PCDHA5: variants seen among roughly 807,000 people sequenced by gnomAD.
PCDHA5 encodes the protein protocadherin alpha 5.
PCDHA5 carries 43 observed loss-of-function variants against 61.6 expected under a neutral mutation model. The observed-to-expected ratio is 0.70, with a 90% confidence interval of 0.55 to 0.90. PCDHA5 has a LOEUF of 0.90. Among genes scored for constraint, PCDHA5 ranks in the 40% least tolerant of loss-of-function variants. The probability of loss-of-function intolerance (pLI) is 0.00; values close to 1 mark genes in which losing one functional copy is unlikely to be tolerated. For missense variants in PCDHA5, 1,298 were observed against 1,222.7 expected, an observed-to-expected ratio of 1.06 and a Z score of -0.92; for synonymous variants, 627 against 543.9, an observed-to-expected ratio of 1.15 and a Z score of -2.13.
chr5:140,908,442 T>A (rs2073975632), intron 1 of PCDHA5, among the ~76,000 whole-genome samples: 1 of 152,160 alleles, frequency 6.6e-6, no homozygotes, highest in Non-Finnish European at 1.5e-5. Flanking sequence ...CACCCCACTT[T>A]ATGGCTAGAT....
chr5:140,994,317 T>A (rs1053879490), intron 3 of PCDHA5, among the ~76,000 whole-genome samples: 7 of 152,086 alleles, frequency 4.6e-5, no homozygotes, highest in African/African-American at 1.7e-4. Flanking sequence ...GCCCAAACAC[T>A]CTCAGCAACC....
chr5:140,842,994 A>G lies in PCDHA5; in HGVS notation c.2352+18867A>G, dbSNP rs1409771801. 3.8e-6 allele frequency: 6 copies of G among 1,595,048 alleles called. 1 individual carries two copies. The Admixed American group carries it at 1.0e-4, about 27-fold the overall frequency. ...ACGCTGCAGGTGTTCGTGCTGGACGAGAATGACAACGCGCCGGCACTGCTG... is the reference window on the plus strand; with the variant it reads ...ACGCTGCAGGTGTTCGTGCTGGACGGGAATGACAACGCGCCGGCACTGCTG... On this transcript the variant is annotated intron_variant, in intron 1 of 3. Coordinates refer to ENST00000529859, the MANE Select transcript of PCDHA5 (RefSeq NM_018908.3).
intron 1 of PCDHA5, among the ~76,000 whole-genome samples, chr5:140,881,010 T>C (rs782629592): frequency 5.3e-5 from 8 of 152,198 alleles, no homozygotes; most frequent in South Asian, 4.1e-4. Flanking sequence ...AGCAGAGCTA[T>C]GGAAATAAAC....
intron 1 of PCDHA5, chr5:140,928,095 G>T (rs782045221): frequency 1.9e-6 from 3 of 1,614,190 alleles, no homozygotes; most frequent in Non-Finnish European, 1.7e-6. Flanking sequence ...TGATTGATGG[G>T]CCCCTGGACC....
intron 1 of PCDHA5, chr5:140,855,836 AC>A (rs1444767908): frequency 1.7e-6 from 1 of 600,200 alleles, no homozygotes; most frequent in Non-Finnish European, 2.9e-6. Flanking sequence ...AATCGTACTT[AC>A]ACCTAAAGCC....
chr5:140,917,329 G>T lies in PCDHA5; in HGVS notation c.2353-61620G>T, dbSNP rs543216216. Among the ~76,000 whole-genome samples the T allele has an allele frequency of 4.9e-5, 7 of 143,930 alleles. 1 individual carries two copies. The highest frequency in any genetic ancestry group is 1.6e-4 in the African/African-American group (6 of 37,952). The allele number at this position is 143,930 out of a possible 152,430, so 94.4% of individuals were successfully genotyped here. A position where few individuals can be genotyped will look rare whatever the true frequency, so the allele number is the denominator to read the frequency against. ...ACAATTTGGTGTTCATGTGGCGGGG[G>T]AGGGGGGGGATGGTGTAGGCTTCTG... On this transcript the variant is annotated intron_variant, in intron 1 of 3. Coordinates refer to ENST00000529859, the MANE Select transcript of PCDHA5 (RefSeq NM_018908.3).
rs782314357 is a variant in PCDHA5 at position 140,927,486 on chromosome 5, C to G, written c.2353-51463C>G. The G allele has an allele frequency of 6.2e-6, 10 of 1,614,128 alleles. No individual in the cohort carries two copies. In the East Asian group the frequency reaches 2.2e-4, roughly 36 times the overall value. ...CACTGGATCGCGAACAGCGCGCCACCCACCTGCTGGTGCTTACAGCTCGGG... is the reference window on the plus strand; with the variant it reads ...CACTGGATCGCGAACAGCGCGCCACGCACCTGCTGGTGCTTACAGCTCGGG... On this transcript the variant is annotated intron_variant, in intron 1 of 3. Coordinates refer to ENST00000529859, the MANE Select transcript of PCDHA5 (RefSeq NM_018908.3).
At chr5:140,844,630 A>G (rs1413264229) in intron 1 of PCDHA5, among the ~76,000 whole-genome samples, 2 of 149,590 alleles carry the variant, frequency 1.3e-5, no homozygotes, top group Non-Finnish European at 3.0e-5. Flanking sequence ...CAGAAAAACT[A>G]TACATGATAA....
intron 1 of PCDHA5, among the ~76,000 whole-genome samples, chr5:140,904,904 C>T (rs1463349424): frequency 6.6e-6 from 1 of 151,948 alleles, no homozygotes; most frequent in East Asian, 1.9e-4. Context: ...GTTTTTCTTA[C>T]TGATTTGTTT....
chr5:140,857,805 C>T lies in PCDHA5; in HGVS notation c.2352+33678C>T, dbSNP rs1311256758. On this transcript the variant is annotated intron_variant, in intron 1 of 3. Coordinates refer to ENST00000529859, the MANE Select transcript of PCDHA5 (RefSeq NM_018908.3). ...GAGCTGGTGCTGCGGTCGGTGGTTG[C>T]GGGTCACGTGGTGGCTAAGGTGCGC... The T allele has an allele frequency of 2.9e-5, 47 of 1,597,594 alleles. 7 individuals are homozygous for T. The highest frequency in any genetic ancestry group is 5.1e-5 in the Admixed American group (3 of 59,234).
At chr5:140,894,947 A>G (rs1257936552) in intron 1 of PCDHA5, among the ~76,000 whole-genome samples, 1 of 152,178 alleles carries the variant, frequency 6.6e-6, no homozygotes, top group Non-Finnish European at 1.5e-5. Flanking sequence ...TTGTCATGAA[A>G]TGATAAAAAT....
chr5:140,841,709 C>T, intron 1 of PCDHA5: 1 of 1,613,900 alleles, frequency 6.2e-7, no homozygotes, highest in South Asian at 1.1e-5. Context: ...TAATGACAAC[C>T]CGCCAGTGTT....
intron 1 of PCDHA5, chr5:140,875,748 C>T (rs2055764549): frequency 6.2e-7 from 1 of 1,614,078 alleles, no homozygotes; most frequent in South Asian, 1.1e-5. Flanking sequence ...GGATCGACCG[C>T]GAGAAGCTGT....
intron 1 of PCDHA5, chr5:140,876,494 T>C: frequency 1.2e-6 from 2 of 1,614,062 alleles, no homozygotes; most frequent in African/African-American, 1.3e-5. Flanking sequence ...GTGGAAGTTC[T>C]GGACGTGAAT....
intron 1 of PCDHA5, among the ~76,000 whole-genome samples, chr5:140,874,488 A>G (rs1452122658): frequency 2.0e-5 from 3 of 152,254 alleles, no homozygotes; most frequent in African/African-American, 7.2e-5. Flanking sequence ...CAAAAGGTTG[A>G]TATCAAGTTC....
intron 1 of PCDHA5, chr5:140,870,813 C>A: frequency 3.7e-6 from 6 of 1,613,700 alleles, no homozygotes; most frequent in Non-Finnish European, 5.1e-6. Context: ...CTCAGGCTGG[C>A]AGCGCGGGAG....
intron 1 of PCDHA5, among the ~76,000 whole-genome samples, chr5:140,891,305 C>T (rs2063030266): frequency 6.6e-6 from 1 of 152,042 alleles, no homozygotes; most frequent in South Asian, 2.1e-4. Context: ...TATTTGATTA[C>T]ATGAGTAAGT....
chr5:140,857,081 A>G, intron 1 of PCDHA5: 1 of 1,597,048 alleles, frequency 6.3e-7, no homozygotes, highest in African/African-American at 1.3e-5. Context: ...TGAAAATGAT[A>G]ATTCACCTGA....
chr5:141,007,133 G>A (rs1588151080), intron 3 of PCDHA5, among the ~76,000 whole-genome samples: 1 of 152,128 alleles, frequency 6.6e-6, no homozygotes, highest in South Asian at 2.1e-4. Flanking sequence ...CAGATGAGGA[G>A]ACTGACAAAG....
Sources: gnomAD v4.1 joint callset for allele counts (sites outside exome capture counted in the v4.1 genomes callset) on GRCh38, gnomAD v4.1.1 for gene constraint, MANE v1.5 for transcripts, NCBI Gene and HGNC (gene_info 2026-07-23, HGNC 2026-07-21) for gene names.